Variants in HCN1 observed in about 807,000 individuals in gnomAD.
HCN1 encodes the protein hyperpolarization activated cyclic nucleotide gated potassium channel 1.
Under a neutral mutation model 78.9 loss-of-function variants are expected in HCN1, and 13 were observed. The observed-to-expected ratio is 0.16, with a 90% CI of 0.11 to 0.26. The LOEUF (loss-of-function observed/expected upper bound fraction) is 0.26. HCN1 is among the 10% of genes least tolerant of loss of function. The pLI is 1.00. For missense variants in HCN1, 810 were observed against 1,154.3 expected, an observed-to-expected ratio of 0.70 and a Z score of 4.32; for synonymous variants, 552 against 455.5, an observed-to-expected ratio of 1.21 and a Z score of -2.70.
intron 2 of HCN1, among the ~76,000 whole-genome samples, chr5:45,535,896 T>G (rs1481483252): frequency 6.6e-6 from 1 of 152,190 alleles, no homozygotes; most frequent in Admixed American, 6.5e-5. Flanking sequence ...GGTCTCTTAA[T>G]GAAAAAATCT....
intron 2 of HCN1, among the ~76,000 whole-genome samples, chr5:45,480,503 G>A (rs938732050): frequency 1.3e-5 from 2 of 152,066 alleles, no homozygotes; most frequent in Admixed American, 1.3e-4. Flanking sequence ...TTATATAAAA[G>A]GCTGTCAGCC....
At chr5:45,569,113 C>T (rs534253297) in intron 2 of HCN1, among the ~76,000 whole-genome samples, 3 of 152,244 alleles carry the variant, frequency 2.0e-5, no homozygotes, top group African/African-American at 4.8e-5. Flanking sequence ...AACAGACAGA[C>T]CTTGCTAAGT....
At chr5:45,546,546 C>T (rs1743232454) in intron 2 of HCN1, among the ~76,000 whole-genome samples, 1 of 151,684 alleles carries the variant, frequency 6.6e-6, no homozygotes, top group Non-Finnish European at 1.5e-5. Flanking sequence ...CTGATGATTC[C>T]CTAAGTGATT....
rs1433458593 is a variant in HCN1, at chr5:45,262,227, C to G, written c.2367G>C (p.Ser789=). ...LTREVRPLSA[S]QPSLPHEVST... ...ACACCTCATGGGGCAGCGAGGGCTG[C>G]GAGGCGGAGAGTGGCCTGACTTCCC... The change falls in exon 8 of 8, where the codon TCG becomes TCC. Residue 789 remains serine (S), a synonymous_variant. Coordinates refer to ENST00000303230, the MANE Select transcript of HCN1 (RefSeq NM_021072.4). 2 of 1,613,892 alleles carry G rather than the reference C, an allele frequency of 1.2e-6. No individual in the cohort carries two copies. Among genetic ancestry groups the G allele is most frequent in the Non-Finnish European group, 1.7e-6 (2 of 1,180,038 alleles).
chr5:45,562,567 C>G (rs1561202063), intron 2 of HCN1, among the ~76,000 whole-genome samples: 1 of 151,950 alleles, frequency 6.6e-6, no homozygotes, highest in Non-Finnish European at 1.5e-5. Context: ...TAGGCACACA[C>G]AGAAAGACAC....
chr5:45,323,671 C>A (rs994918319), intron 5 of HCN1, among the ~76,000 whole-genome samples: 3 of 151,770 alleles, frequency 2.0e-5, no homozygotes, highest in Non-Finnish European at 4.4e-5. Context: ...CCCATTAACT[C>A]GTCATTTAGC....
At chr5:45,606,574 G>A (rs1744730430) in intron 2 of HCN1, among the ~76,000 whole-genome samples, 1 of 151,662 alleles carries the variant, frequency 6.6e-6, no homozygotes, top group Non-Finnish European at 1.5e-5. Context: ...ATATCTCAAA[G>A]TACAGGACAA....
chr5:45,692,279 C>A (rs1298647693), intron 1 of HCN1, among the ~76,000 whole-genome samples: 1 of 152,122 alleles, frequency 6.6e-6, no homozygotes. Flanking sequence ...CACTTTTAAA[C>A]CTTAGTAAAA....
intron 5 of HCN1, among the ~76,000 whole-genome samples, chr5:45,308,961 T>C (rs950781370): frequency 3.9e-5 from 6 of 152,198 alleles, no homozygotes; most frequent in Non-Finnish European, 8.8e-5. Context: ...TTGGGCAGTA[T>C]GGCCATTTTA....
intron 4 of HCN1, among the ~76,000 whole-genome samples, chr5:45,386,157 C>A (rs757969222): frequency 1.8e-4 from 27 of 150,972 alleles, no homozygotes; most frequent in Non-Finnish European, 3.2e-4. Flanking sequence ...TTTTTCTGTT[C>A]CTCCTTCTTG....
chr5:45,311,921 G>A (rs1745859116), intron 5 of HCN1, among the ~76,000 whole-genome samples: 1 of 152,298 alleles, frequency 6.6e-6, no homozygotes, highest in Middle Eastern at 3.4e-3. Flanking sequence ...AAGTAAATAA[G>A]CTCAGATGCT....
chr5:45,360,065 A>G (rs1268827798), intron 4 of HCN1, among the ~76,000 whole-genome samples: 1 of 151,026 alleles, frequency 6.6e-6, no homozygotes, highest in South Asian at 2.1e-4. Flanking sequence ...CATGTATGTT[A>G]TGTGATAAAT....
chr5:45,358,819 G>A (rs558915374), intron 4 of HCN1, among the ~76,000 whole-genome samples: 11 of 151,990 alleles, frequency 7.2e-5, no homozygotes, highest in East Asian at 3.9e-4. Flanking sequence ...CTGACGCCCC[G>A]CTTGTCCATG....
chr5:45,305,673 A>C (rs1308585782), intron 5 of HCN1, among the ~76,000 whole-genome samples: 1 of 148,832 alleles, frequency 6.7e-6, no homozygotes, highest in African/African-American at 2.5e-5. Context: ...GAAGAAATGA[A>C]GGAGGGGAGG....
At chr5:45,555,841 T>C (rs1158916235) in intron 2 of HCN1, among the ~76,000 whole-genome samples, 2 of 151,898 alleles carry the variant, frequency 1.3e-5, no homozygotes, top group East Asian at 3.9e-4. Flanking sequence ...AAAAGCATGG[T>C]ACTAGCATAA....
At chr5:45,518,017 G>C (rs1207114855) in intron 2 of HCN1, among the ~76,000 whole-genome samples, 1 of 152,018 alleles carries the variant, frequency 6.6e-6, no homozygotes, top group Non-Finnish European at 1.5e-5. Flanking sequence ...TCAGATAAAT[G>C]AATGCTAAAA....
chr5:45,548,932 C>A (rs1258826560), intron 2 of HCN1, among the ~76,000 whole-genome samples: 1 of 151,294 alleles, frequency 6.6e-6, no homozygotes, highest in Non-Finnish European at 1.5e-5. Flanking sequence ...AGGAATCCAA[C>A]TTACAAGGGA....
chr5:45,274,299 A>G (rs1404080664), intron 6 of HCN1, among the ~76,000 whole-genome samples: 1 of 152,142 alleles, frequency 6.6e-6, no homozygotes, highest in Non-Finnish European at 1.5e-5. Context: ...TAGATCAAAT[A>G]AAGTTATTGT....
chr5:45,433,399 G>T (rs1315121134), intron 3 of HCN1, among the ~76,000 whole-genome samples: 1 of 151,892 alleles, frequency 6.6e-6, no homozygotes, highest in Admixed American at 6.6e-5. Flanking sequence ...AGCAATGTCT[G>T]CTTTTTTTCT....
Sources: allele counts gnomAD v4.1 joint callset (sites outside exome capture counted in the v4.1 genomes callset), GRCh38; gene constraint gnomAD v4.1.1; transcripts MANE v1.5; gene names NCBI Gene and HGNC (gene_info 2026-07-23, HGNC 2026-07-21).